Variants in TAT observed in about 807,000 individuals in gnomAD.
TAT encodes the protein L-tyrosine:2-oxoglutarate aminotransferase.
In TAT, 35 loss-of-function variants were observed where a neutral mutation model predicts 53.6. The ratio of observed to expected loss-of-function variants is 0.65; its 90% CI spans 0.50 to 0.87. TAT has a LOEUF of 0.87. TAT is among the 40% of genes least tolerant of loss of function. TAT has a pLI of 0.00. For missense variants in TAT, 525 were observed against 571.8 expected (o/e 0.92, Z 0.83); for synonymous variants, 197 against 206.5 (o/e 0.95, Z 0.39).
At chr16:71,570,480 C>G in intron 8 of TAT, 83 bp from the exon 9 acceptor site, 1 of 1,611,144 alleles carries the variant, frequency 6.2e-7, no homozygotes, top group Non-Finnish European at 8.5e-7. Context: ...ACCTTTCTAT[C>G]AGGTTTTTAA....
At position 71,572,537 on chromosome 16, in the gene TAT, T is replaced by C. The variant is rs1314838779; in HGVS notation, c.560A>G (p.Asn187Ser). ...GATTAAAAAGTCATTTACCAACAAA[T>C]TGTAGAGTTTGACCTCAATTCCCAT... ...ESMGIEVKLYNLLPEKSWEID... is the reference protein window; with the variant it reads ...ESMGIEVKLYSLLPEKSWEID... Residue 187 changes from asparagine (N) to serine (S), a missense_variant, in exon 5 of 12, where the codon AAT becomes AGT. Coordinates refer to ENST00000355962, the MANE Select transcript of TAT (RefSeq NM_000353.3). The C allele has an allele frequency of 3.1e-6, 5 of 1,614,070 alleles. No homozygotes were observed. The highest frequency in any genetic ancestry group is 3.3e-5 in the Admixed American group (2 of 60,010).
intron 4 of TAT, among the ~76,000 whole-genome samples, chr16:71,572,896 G>A (rs910234454): frequency 6.6e-6 from 1 of 152,194 alleles, no homozygotes; most frequent in Non-Finnish European, 1.5e-5. Flanking sequence ...CTTTAAAAAG[G>A]ATAGGTTGGC....
Position 71,567,830 on chromosome 16 carries a change from A to T in TAT, c.*314T>A. 2.7e-6 allele frequency: 1 copy of T among 374,518 alleles called. No individual in the cohort carries two copies. The highest frequency in any genetic ancestry group is 5.1e-6 in the Non-Finnish European group (1 of 197,046). 23.2% of individuals were successfully genotyped at this position (374,518 alleles called of 1,614,324 possible). On this transcript the variant is annotated 3_prime_UTR_variant, in exon 12 of 12. Transcript: ENST00000355962. Reference sequence around the variant, plus strand: ...TCCTGAGCTCTTATTTTCTTGTCTCAACTGCTTTCTGGTAAACTTTGTTCA... The same window carrying T: ...TCCTGAGCTCTTATTTTCTTGTCTCTACTGCTTTCTGGTAAACTTTGTTCA...
Position 71,576,186 on chromosome 16 carries a change from G to T in TAT, c.230C>A (p.Ser77Tyr), listed in dbSNP as rs761596094. The T allele has an allele frequency of 6.2e-7, 1 of 1,613,802 alleles. No homozygotes were observed. Among genetic ancestry groups the T allele is most frequent in the African/African-American group, 1.3e-5 (1 of 74,926 alleles). Residue 77 changes from serine (S) to tyrosine (Y), a missense_variant, in exon 2 of 12, where the codon TCC becomes TAC. Coordinates refer to ENST00000355962, the MANE Select transcript of TAT (RefSeq NM_000353.3). ...PNPNKTMISL[S>Y]IGDPTVFGNL... ...CAGTAGTGTCCCCAACTCACCAATG[G>T]ACAGGGAAATCATGGTTTTGTTTGG...
intron 4 of TAT, among the ~76,000 whole-genome samples, chr16:71,573,120 C>T (rs1014403224): frequency 6.6e-6 from 1 of 152,164 alleles, no homozygotes; most frequent in Admixed American, 6.5e-5. Context: ...TCAGTATGTC[C>T]TGGTACTTCT....
chr16:71,576,359 G>C lies in TAT; in HGVS notation c.57C>G (p.Asp19Glu). Residue 19 changes from aspartate (D) to glutamate (E), a missense_variant, in exon 2 of 12, where the codon GAC becomes GAG. By Grantham distance (45) the Asp-to-Glu change is conservative. Coordinates refer to ENST00000355962, the MANE Select transcript of TAT (RefSeq NM_000353.3). Reference sequence around the variant, plus strand: ...TTCTCCCACCAACGTTGACATGCACGTCCAGAATTGAGGGGAGGTTGCCTT... The same window carrying C: ...TTCTCCCACCAACGTTGACATGCACCTCCAGAATTGAGGGGAGGTTGCCTT... ...SSKGNLPSIL[D>E]VHVNVGGRSS... 8 of 1,614,096 alleles carry C rather than the reference G, an allele frequency of 5.0e-6. No homozygotes were observed. The highest frequency in any genetic ancestry group is 6.8e-6 in the Non-Finnish European group (8 of 1,180,026).
chr16:71,574,770 A>T (rs964467784), intron 3 of TAT, among the ~76,000 whole-genome samples: 2 of 152,060 alleles, frequency 1.3e-5, no homozygotes, highest in African/African-American at 2.4e-5. Flanking sequence ...TTTCATGCCC[A>T]TCATAATATT....
In TAT at chr16:71,568,741, A is replaced by G. The variant is rs1255719922; in HGVS notation, c.1194T>C (p.Ala398=). 1 of 1,613,906 alleles carries G rather than the reference A, an allele frequency of 6.2e-7. No homozygotes were observed. Among genetic ancestry groups the G allele is most frequent in the African/African-American group, 1.3e-5 (1 of 74,934 alleles). The part of the protein sequence containing the change: ...NDVEFTERLV[A]EQSVHCLPAT... ...CTGGGAGGCAGTGGACAGACTGCTC[A>G]GCAACTAACCGCTCCGTGAACTCCA... Residue 398 remains alanine, a synonymous_variant, in exon 11 of 12, where the codon GCT becomes GCC. Coordinates refer to ENST00000355962, the MANE Select transcript of TAT (RefSeq NM_000353.3).
rs770735914 is a variant in TAT at position 71,568,170 on chromosome 16, C to G, written c.1339G>C (p.Gly447Arg). The G allele has an allele frequency of 4.3e-6, 7 of 1,614,220 alleles. No individual in the cohort carries two copies. In the South Asian group the frequency reaches 6.6e-5, roughly 15 times the overall value. ...FCEQHYHCAE[G>R]SQEECDK is the part of the protein sequence containing the mutation. ...TATTTATCACACTCCTCCTGGCTGCCTTCAGCACAATGGTAGTGCTGCTCA... is the reference window on the plus strand; with the variant it reads ...TATTTATCACACTCCTCCTGGCTGCGTTCAGCACAATGGTAGTGCTGCTCA... Residue 447 changes from glycine (G) to arginine (R), a missense_variant, in exon 12 of 12, where the codon GGC becomes CGC. Physicochemically the swap from Gly to Arg is moderately radical, Grantham distance 125. Coordinates refer to ENST00000355962, the MANE Select transcript of TAT (RefSeq NM_000353.3).
rs12924334 is a variant in TAT, at chr16:71,576,784, C to T, written c.-13+225G>A. On this transcript the variant is annotated intron_variant, in intron 1 of 11. Coordinates refer to ENST00000355962, the MANE Select transcript of TAT (RefSeq NM_000353.3). ...CTCCTTCCTTTCCATGCGAGCCTAT[C>T]CAAGAAAATCTACCTAATGCTTCTT... 4.7e-3 allele frequency among the ~76,000 whole-genome samples: 715 copies of T among 152,296 alleles called. 3 individuals carry two copies. Among genetic ancestry groups the T allele is most frequent in the Middle Eastern group, 0.01 (3 of 294 alleles).
chr16:71,575,170 CT>C (rs2044227085), intron 3 of TAT: 1 of 152,124 alleles, frequency 6.6e-6, no homozygotes, highest in Non-Finnish European at 1.5e-5. Flanking sequence ...CGATATAACT[CT>C]TTAAAGTGTT....
Position 71,572,572 on chromosome 16 carries a change from C to A in TAT, c.525G>T (p.Leu175=), listed in dbSNP as rs1282159950. Residue 175 remains leucine (L), a synonymous_variant, in exon 5 of 12, where the codon CTG becomes CTT. Transcript: ENST00000355962. ...PRPGFSLYKT[L]AESMGIEVKL... is the part of the protein sequence containing the mutation. Reference sequence around the variant, plus strand: ...TGACCTCAATTCCCATAGACTCAGCCAGAGTCTTGTAGAGAGAGAAACCAG... The same window carrying A: ...TGACCTCAATTCCCATAGACTCAGCAAGAGTCTTGTAGAGAGAGAAACCAG... 1 of 1,614,194 alleles carries A rather than the reference C, an allele frequency of 6.2e-7. No individual in the cohort carries two copies. The highest frequency in any genetic ancestry group is 2.2e-5 in the East Asian group (1 of 44,888).
Position 71,574,306 on chromosome 16 carries a change from C to T in TAT, c.341-700G>A, listed in dbSNP as rs568014329. Among the ~76,000 whole-genome samples, 68 of 152,126 alleles carry T rather than the reference C, an allele frequency of 4.5e-4. No homozygotes were observed. The South Asian group carries it at 0.011, about 24-fold the overall frequency. On this transcript the variant is annotated intron_variant, in intron 3 of 11. Transcript: ENST00000355962. ...TTTTTAAGAAGTTGTAATCGCCAGG[C>T]GCGGTGGCTCACGCCTGTAATCCCA...
chr16:71,568,624 GA>G, intron 11 of TAT, 86 bp downstream of exon 11: 2 of 1,006,394 alleles, frequency 2.0e-6, no homozygotes, highest in African/African-American at 3.2e-5. Context: ...TGTTGGAGGA[GA>G]AAAGATCAGG....
At chr16:71,575,106 G>C (rs1331004999) in intron 3 of TAT, 2 of 151,962 alleles carry the variant, frequency 1.3e-5, no homozygotes. Context: ...TTTTATTTTT[G>C]TTGTATGAAA....
In TAT at chr16:71,572,078, C is replaced by A. The variant is rs541765127; in HGVS notation, c.706+108G>T. The A allele has an allele frequency of 7.1e-6, 10 of 1,415,922 alleles. No individual in the cohort carries two copies. In the South Asian group the frequency reaches 1.0e-4, roughly 15 times the overall value. 87.7% of individuals were successfully genotyped at this position (1,415,922 alleles called of 1,614,324 possible). ...TGAGAGACATCAGTGGAGCTCCCCA[C>A]CTCCACCCCAGGCTTGGAACTTAGG... On this transcript the variant is annotated intron_variant, in intron 6 of 11. Transcript: ENST00000355962.
chr16:71,568,071 G>A lies in TAT; in HGVS notation c.*73C>T, dbSNP rs1372364787. ...CCCCTCTCCCAGTAGGGCCACCTGA[G>A]TCCCTGAGGAGCCGCAAGGCCTAGT... On this transcript the variant is annotated 3_prime_UTR_variant, in exon 12 of 12. Coordinates refer to ENST00000355962, the MANE Select transcript of TAT (RefSeq NM_000353.3). The A allele has an allele frequency of 1.9e-6, 3 of 1,596,222 alleles. No individual in the cohort carries two copies. In the African/African-American group the frequency reaches 4.0e-5, roughly 21 times the overall value.
chr16:71,573,653 T>C, intron 3 of TAT, 47 bp from the exon 4 acceptor site: 1 of 1,497,642 alleles, frequency 6.7e-7, no homozygotes. Flanking sequence ...TTTTAGAGAC[T>C]GTGTCTCACT....
intron 7 of TAT, 144 bp from the exon 8 acceptor site, chr16:71,570,975 G>A: frequency 9.6e-7 from 1 of 1,037,406 alleles, no homozygotes; most frequent in Non-Finnish European, 1.4e-6. Flanking sequence ...GCATGACTGG[G>A]ATTGCAAGAG....
Sources: gnomAD v4.1 joint callset for allele counts (sites outside exome capture counted in the v4.1 genomes callset) on GRCh38, gnomAD v4.1.1 for gene constraint, MANE v1.5 for transcripts, NCBI Gene and HGNC (gene_info 2026-07-23, HGNC 2026-07-21) for gene names.